ELOVL7: variants seen among roughly 807,000 people sequenced by gnomAD.
ELOVL7 encodes ELOVL fatty acid elongase 7.
In ELOVL7, 27 loss-of-function variants were observed where a neutral mutation model predicts 35.7. The observed-to-expected ratio is 0.76, with a 90% CI of 0.56 to 1.04. ELOVL7 has a LOEUF of 1.04. Among genes scored for constraint, ELOVL7 ranks in the 50% least tolerant of loss-of-function variants. The probability of loss-of-function intolerance (pLI) is 0.00; values close to 1 mark genes in which losing one functional copy is unlikely to be tolerated. For missense variants in ELOVL7, 327 were observed against 340.8 expected, an observed-to-expected ratio of 0.96 and a Z score of 0.32; for synonymous variants, 113 against 114.6, an observed-to-expected ratio of 0.99 and a Z score of 0.09.
intron 3 of ELOVL7, among the ~76,000 whole-genome samples, chr5:60,786,605 C>T (rs565516958): frequency 4.8e-4 from 73 of 152,158 alleles, no homozygotes; most frequent in African/African-American, 1.7e-3. Context: ...TTTCCTGTTC[C>T]CTGTTCACTC....
intron 8 of ELOVL7, among the ~76,000 whole-genome samples, chr5:60,755,708 TGA>T (rs1388838392): frequency 6.6e-6 from 1 of 151,754 alleles, no homozygotes; most frequent in Admixed American, 6.6e-5. Flanking sequence ...CTACGAGGTG[TGA>T]GAGAGAACTG....
chr5:60,827,600 T>G (rs1579930169), intron 1 of ELOVL7, among the ~76,000 whole-genome samples: 1 of 152,216 alleles, frequency 6.6e-6, no homozygotes, highest in East Asian at 1.9e-4. Context: ...TTAGCTACTA[T>G]AATGAGATTT....
At chr5:60,779,699 G>A (rs1163850994) in intron 3 of ELOVL7, among the ~76,000 whole-genome samples, 1 of 152,192 alleles carries the variant, frequency 6.6e-6, no homozygotes, top group Non-Finnish European at 1.5e-5. Context: ...GACATACTCT[G>A]GAGACATTTT....
intron 3 of ELOVL7, among the ~76,000 whole-genome samples, chr5:60,781,236 A>G (rs1260192944): frequency 6.6e-6 from 1 of 151,574 alleles, no homozygotes; most frequent in Admixed American, 6.6e-5. Flanking sequence ...AGGAAAGAAA[A>G]ACAAAATACC....
At chr5:60,757,721 T>C (rs533673422) in intron 7 of ELOVL7, 76 bp from the exon 8 acceptor site, 19 of 1,324,160 alleles carry the variant, frequency 1.4e-5, no homozygotes, top group South Asian at 1.2e-4. Flanking sequence ...ACTGAGATTT[T>C]TGTATAATTA....
intron 2 of ELOVL7, among the ~76,000 whole-genome samples, chr5:60,793,246 T>C (rs1037449359): frequency 5.9e-5 from 9 of 152,138 alleles, no homozygotes; most frequent in African/African-American, 2.2e-4. Flanking sequence ...CATATTTGGG[T>C]AACATGAACA....
intron 3 of ELOVL7, chr5:60,784,321 C>G (rs1455853603): frequency 8.9e-6 from 4 of 448,336 alleles, no homozygotes; most frequent in Non-Finnish European, 1.6e-5. Context: ...AGGATCATGA[C>G]TAAGTCTGAA....
intron 2 of ELOVL7, among the ~76,000 whole-genome samples, chr5:60,796,365 C>T (rs781456821): frequency 6.6e-6 from 1 of 152,206 alleles, no homozygotes; most frequent in Admixed American, 6.5e-5. Flanking sequence ...CAGGATTTCT[C>T]AACCTCGACA....
At chr5:60,784,004 T>A in intron 3 of ELOVL7, 1 of 695,048 alleles carries the variant, frequency 1.4e-6, no homozygotes, top group Non-Finnish European at 2.6e-6. Context: ...ACCCCAATGA[T>A]TACCAAAGTT....
intron 1 of ELOVL7, among the ~76,000 whole-genome samples, chr5:60,805,690 C>T (rs1234269403): frequency 2.0e-5 from 3 of 152,212 alleles, no homozygotes; most frequent in African/African-American, 7.2e-5. Context: ...GCATAAGCAT[C>T]ACTTCCTCTG....
At chr5:60,760,218 A>G (rs1741816650) in intron 7 of ELOVL7, among the ~76,000 whole-genome samples, 1 of 152,112 alleles carries the variant, frequency 6.6e-6, no homozygotes, top group Admixed American at 6.5e-5. Context: ...CGCCACACTG[A>G]CTTCCACAGT....
In ELOVL7 at chr5:60,755,347, C is replaced by T. The variant is rs961402453; in HGVS notation, c.637-514G>A. ...CGGAGTCCTTATACCTGCCACTTGT[C>T]CTCCACTGTCACAGATAAAAATGTG... On this transcript the variant is annotated intron_variant, in intron 8 of 8. Coordinates refer to ENST00000508821, the MANE Select transcript of ELOVL7 (RefSeq NM_024930.3). Among the ~76,000 whole-genome samples, 4 of 152,098 alleles carry T rather than the reference C, an allele frequency of 2.6e-5. No homozygotes were observed. The East Asian group carries it at 7.7e-4, about 29-fold the overall frequency.
intron 1 of ELOVL7, among the ~76,000 whole-genome samples, chr5:60,830,528 G>A (rs1330136580): frequency 2.6e-5 from 4 of 151,944 alleles, no homozygotes; most frequent in African/African-American, 9.7e-5. Flanking sequence ...GGCATTGATG[G>A]TCTTCTAACC....
intron 1 of ELOVL7, among the ~76,000 whole-genome samples, chr5:60,810,642 C>T (rs919942579): frequency 1.3e-5 from 2 of 152,176 alleles, no homozygotes; most frequent in Admixed American, 6.5e-5. Flanking sequence ...TTTTTCAGGG[C>T]TGGCATCTGA....
chr5:60,823,655 A>T (rs1428243454), intron 1 of ELOVL7, among the ~76,000 whole-genome samples: 1 of 152,224 alleles, frequency 6.6e-6, no homozygotes, highest in African/African-American at 2.4e-5. Flanking sequence ...TTTAGAGATT[A>T]GTGAAAGAAT....
intron 1 of ELOVL7, among the ~76,000 whole-genome samples, chr5:60,828,480 A>G (rs1746301469): frequency 6.6e-6 from 1 of 152,206 alleles, no homozygotes; most frequent in Non-Finnish European, 1.5e-5. Context: ...CAGGTAAAGT[A>G]TTTATAGCTT....
At chr5:60,842,496 T>TAA (rs35647484) in intron 1 of ELOVL7, among the ~76,000 whole-genome samples, 54,102 of 139,724 alleles carry the variant, frequency 0.39, 11,149 homozygotes, top group East Asian at 0.8. Context: ...CTATTTTTCT[T>TAA]AAAAAAAAAA....
chr5:60,788,134 T>C (rs1425155273), intron 2 of ELOVL7, among the ~76,000 whole-genome samples: 1 of 152,182 alleles, frequency 6.6e-6, no homozygotes, highest in Admixed American at 6.5e-5. Context: ...ATTAGAATGT[T>C]CAGAAATAAA....
intron 3 of ELOVL7, among the ~76,000 whole-genome samples, chr5:60,774,373 C>T (rs1742780978): frequency 6.6e-6 from 1 of 152,112 alleles, no homozygotes; most frequent in Non-Finnish European, 1.5e-5. Context: ...TGACTCACCA[C>T]ATAAACAGAA....
Sources: gnomAD v4.1 joint callset for allele counts (sites outside exome capture counted in the v4.1 genomes callset) on GRCh38, gnomAD v4.1.1 for gene constraint, MANE v1.5 for transcripts, NCBI Gene and HGNC (gene_info 2026-07-23, HGNC 2026-07-21) for gene names.